CNTN4: variants seen among roughly 807,000 people sequenced by gnomAD.
The protein encoded by CNTN4 is contactin-4.
CNTN4 carries 77 observed loss-of-function variants against 122.5 expected under a neutral mutation model. That is an observed-to-expected ratio of 0.63 (90% confidence interval 0.52 to 0.76). The LOEUF (loss-of-function observed/expected upper bound fraction) is 0.76, where lower values mean the gene tolerates loss of function less well. Ranked by LOEUF, CNTN4 falls within the 30% of genes least tolerant of loss-of-function variation. The pLI is 0.00. For missense variants in CNTN4, 1,256 were observed against 1,259.1 expected, an observed-to-expected ratio of 1.00 and a Z score of 0.04; for synonymous variants, 512 against 447.0, an observed-to-expected ratio of 1.15 and a Z score of -1.83.
intron 2 of CNTN4, among the ~76,000 whole-genome samples, chr3:2,174,428 T>A (rs1287816508): frequency 6.6e-6 from 1 of 152,182 alleles, no homozygotes; most frequent in African/African-American, 2.4e-5. Flanking sequence ...ATCAAGGAGC[T>A]GGCAAATTGG....
chr3:2,520,996 T>G (rs1481585491), intron 3 of CNTN4, among the ~76,000 whole-genome samples: 3 of 152,128 alleles, frequency 2.0e-5, no homozygotes, highest in African/African-American at 7.2e-5. Flanking sequence ...AGTACGTGCA[T>G]TCTAGTATGG....
Position 2,570,005 on chromosome 3 carries a change from G to A in CNTN4, c.-88-1411G>A, listed in dbSNP as rs1468119893. On this transcript the variant is annotated intron_variant, in intron 3 of 24. Transcript: ENST00000418658. Reference sequence around the variant, plus strand: ...CAGTGCTTCACCTTGTGTCTGGCAAGCAGAAGATGCTTCACATATACATTC... The same window carrying A: ...CAGTGCTTCACCTTGTGTCTGGCAAACAGAAGATGCTTCACATATACATTC... Among the ~76,000 whole-genome samples the A allele has an allele frequency of 3.3e-5, 5 of 151,958 alleles. No individual in the cohort carries two copies. The East Asian group carries it at 9.7e-4, about 29-fold the overall frequency.
intron 4 of CNTN4, among the ~76,000 whole-genome samples, chr3:2,668,983 T>C (rs1304172037): frequency 6.6e-6 from 1 of 152,204 alleles, no homozygotes; most frequent in African/African-American, 2.4e-5. Context: ...TGCTGCTGGA[T>C]TCGGTTTGCC....
intron 14 of CNTN4, among the ~76,000 whole-genome samples, chr3:3,025,716 T>C (rs1434374349): frequency 6.6e-6 from 1 of 152,182 alleles, no homozygotes; most frequent in Non-Finnish European, 1.5e-5. Context: ...AACATGGATT[T>C]TTCCTGTTTG....
At position 2,571,491 on chromosome 3, in the gene CNTN4, T is replaced by A. The variant is rs2079417964; in HGVS notation, c.-13T>A. On this transcript the variant is annotated 5_prime_UTR_variant, in exon 4 of 25. Transcript: ENST00000418658. Reference sequence around the variant, plus strand: ...ATTGGACTTGAAACTCCCTTTGACCTCGGAAACTGAAGATGAGGTTGCCAT... The same window carrying A: ...ATTGGACTTGAAACTCCCTTTGACCACGGAAACTGAAGATGAGGTTGCCAT... 6.2e-7 allele frequency: 1 copy of A among 1,610,428 alleles called. No individual in the cohort carries two copies. Among genetic ancestry groups the A allele is most frequent in the Non-Finnish European group, 8.5e-7 (1 of 1,176,682 alleles).
chr3:2,929,168 C>G lies in CNTN4; in HGVS notation c.1358+3389C>G, dbSNP rs148498215. Among the ~76,000 whole-genome samples, 6 of 152,252 alleles carry G rather than the reference C, an allele frequency of 3.9e-5. 1 individual carries two copies. The highest frequency in any genetic ancestry group is 4.2e-4 in the South Asian group (2 of 4,818). ...AGCAATCAGTGTAGGCAATATCAGG[C>G]ATTTAAAACAGGGAAGACCTGTCAC... On this transcript the variant is annotated intron_variant, in intron 13 of 24. Coordinates refer to ENST00000418658, the MANE Select transcript of CNTN4 (RefSeq NM_175607.3).
At chr3:3,006,170 C>T (rs1298076208) in intron 14 of CNTN4, among the ~76,000 whole-genome samples, 1 of 152,126 alleles carries the variant, frequency 6.6e-6, no homozygotes, top group Non-Finnish European at 1.5e-5. Flanking sequence ...GCCACCGCGC[C>T]CAGCCCACGC....
At chr3:2,179,931 A>G (rs2036937516) in intron 2 of CNTN4, among the ~76,000 whole-genome samples, 1 of 152,012 alleles carries the variant, frequency 6.6e-6, no homozygotes, top group Non-Finnish European at 1.5e-5. Flanking sequence ...AAAAAAGATT[A>G]GTGAAATATT....
At chr3:2,703,981 T>C (rs1247619522) in intron 4 of CNTN4, among the ~76,000 whole-genome samples, 1 of 152,020 alleles carries the variant, frequency 6.6e-6, no homozygotes, top group East Asian at 1.9e-4. Flanking sequence ...AAAAAAGAAC[T>C]AGGCTTCTTT....
chr3:2,441,532 A>C (rs145734727), intron 3 of CNTN4, among the ~76,000 whole-genome samples: 295 of 152,328 alleles, frequency 1.9e-3, no homozygotes, highest in African/African-American at 6.5e-3. Context: ...AACATATTCT[A>C]TTCTGCAGAG....
chr3:2,271,844 A>G (rs1018410677), intron 2 of CNTN4, among the ~76,000 whole-genome samples: 1 of 152,184 alleles, frequency 6.6e-6, no homozygotes, highest in African/African-American at 2.4e-5. Context: ...ACCTTTTTGT[A>G]ATCCAGAATC....
intron 2 of CNTN4, among the ~76,000 whole-genome samples, chr3:2,275,953 A>G (rs1324135240): frequency 6.6e-6 from 1 of 151,460 alleles, no homozygotes; most frequent in Non-Finnish European, 1.5e-5. Context: ...AAAAATATTA[A>G]ATCTTGATTT....
At chr3:2,260,166 G>A (rs1372360646) in intron 2 of CNTN4, among the ~76,000 whole-genome samples, 1 of 152,100 alleles carries the variant, frequency 6.6e-6, no homozygotes, top group Non-Finnish European at 1.5e-5. Context: ...TAATGTAGCT[G>A]TAGGATGAAA....
intron 3 of CNTN4, among the ~76,000 whole-genome samples, chr3:2,481,044 T>A: frequency 7.0e-6 from 1 of 142,260 alleles, no homozygotes; most frequent in East Asian, 2.0e-4. Context: ...TTTCTTTCTT[T>A]CTTTCTTTCT....
intron 4 of CNTN4, among the ~76,000 whole-genome samples, chr3:2,728,376 C>T (rs1386694668): frequency 6.6e-6 from 1 of 152,178 alleles, no homozygotes; most frequent in African/African-American, 2.4e-5. Context: ...ACAGTGTGCC[C>T]TACGTGTGCC....
intron 13 of CNTN4, among the ~76,000 whole-genome samples, chr3:2,927,063 A>G (rs1156828862): frequency 6.6e-6 from 1 of 152,206 alleles, no homozygotes; most frequent in Non-Finnish European, 1.5e-5. Flanking sequence ...TAGTTGAAAT[A>G]TAACTAGTAT....
intron 3 of CNTN4, among the ~76,000 whole-genome samples, chr3:2,428,560 C>G (rs562458506): frequency 1.3e-5 from 2 of 152,206 alleles, no homozygotes; most frequent in South Asian, 4.1e-4. Context: ...CTTGGAGTTG[C>G]TCTTCTCGAG....
chr3:3,005,887 A>ATTTTTT lies in CNTN4; in HGVS notation c.1486+17426_1486+17431dup, dbSNP rs10630939. The stretch of plus-strand genomic sequence containing the variant: ...ACTCTATCTCAGCACACTGTGTAGA[A>ATTTTTT]TTTTTTTTTTTTTTTTGAGACGGAT... On this transcript the variant is annotated intron_variant, in intron 14 of 24. Transcript: ENST00000418658. Among the ~76,000 whole-genome samples the ATTTTTT allele has an allele frequency of 1.4e-5, 2 of 145,334 alleles. 1 individual carries two copies.
At chr3:2,835,062 G>A (rs2093194271) in intron 7 of CNTN4, among the ~76,000 whole-genome samples, 2 of 151,458 alleles carry the variant, frequency 1.3e-5, no homozygotes, top group South Asian at 2.1e-4. Flanking sequence ...CCGCCACCAC[G>A]CCCGGCTCAT....
Sources: allele counts gnomAD v4.1 joint callset (sites outside exome capture counted in the v4.1 genomes callset), GRCh38; gene constraint gnomAD v4.1.1; transcripts MANE v1.5; gene names NCBI Gene and HGNC (gene_info 2026-07-23, HGNC 2026-07-21).